Variants in ENOX1 observed in about 807,000 individuals in gnomAD.
ENOX1 encodes ecto-NOX disulfide-thiol exchanger 1, also known as candidate growth-related and time keeping constitutive hydroquinone (NADH) oxidase.
In ENOX1, 42 loss-of-function variants were observed where a neutral mutation model predicts 82.5. The observed-to-expected ratio is 0.51, with a 90% CI of 0.40 to 0.66. The LOEUF is 0.66. ENOX1 is among the 30% of genes least tolerant of loss of function. The probability of loss-of-function intolerance (pLI) is 0.00; values close to 1 mark genes in which losing one functional copy is unlikely to be tolerated. For missense variants in ENOX1, 608 were observed against 811.6 expected (o/e 0.75, Z 3.05); for synonymous variants, 271 against 282.2 (o/e 0.96, Z 0.40).
rs142125038 is a variant in ENOX1 at position 43,462,578 on chromosome 13, C to G, written c.-75+21431G>C. On this transcript the variant is annotated intron_variant, in intron 3 of 16. Coordinates refer to ENST00000690772, the MANE Select transcript of ENOX1 (RefSeq NM_001347969.2). ...TTAAATTAGGCAGCCATGCATACTA[C>G]AGCATATTAATTCTGAGTAGTTATT... Among the ~76,000 whole-genome samples the G allele has an allele frequency of 2.9e-4, 44 of 152,270 alleles. No homozygotes were observed. The East Asian group carries it at 8.5e-3, about 29-fold the overall frequency.
chr13:43,565,589 C>T (rs370792659), intron 2 of ENOX1, among the ~76,000 whole-genome samples: 3 of 152,112 alleles, frequency 2.0e-5, no homozygotes, highest in Non-Finnish European at 4.4e-5. Context: ...CCCACAAAGA[C>T]GCTCTTTAGA....
At chr13:43,676,604 C>A (rs777410699) in intron 1 of ENOX1, among the ~76,000 whole-genome samples, 49 of 150,712 alleles carry the variant, frequency 3.3e-4, no homozygotes, top group Middle Eastern at 7.0e-3. Context: ...TTCCTCTCTG[C>A]TGCTTTTCTC....
intron 8 of ENOX1, among the ~76,000 whole-genome samples, chr13:43,352,344 G>A (rs778268063): frequency 5.9e-5 from 9 of 152,318 alleles, no homozygotes; most frequent in Non-Finnish European, 7.4e-5. Flanking sequence ...TACAAAGTAC[G>A]TAAAAACTTT....
At chr13:43,248,079 G>T (rs1040675079) in intron 14 of ENOX1, among the ~76,000 whole-genome samples, 2 of 149,740 alleles carry the variant, frequency 1.3e-5, no homozygotes, top group Non-Finnish European at 3.0e-5. Context: ...TAGAGACGGG[G>T]TTTCACCGTG....
rs1301223709 is a variant in ENOX1, at chr13:43,667,468, C to T, written c.-219+11G>A. On this transcript the variant is annotated intron_variant, in intron 2 of 16. Coordinates refer to ENST00000690772, the MANE Select transcript of ENOX1 (RefSeq NM_001347969.2). ...TGCTTGTTATTTGTGGTGCACATAC[C>T]ATCCCTTTACCTGAGCATGGTGAGC... is the stretch of plus-strand genomic sequence containing the variant. The T allele has an allele frequency of 3.0e-6, 3 of 985,364 alleles. No individual in the cohort carries two copies. The highest frequency in any genetic ancestry group is 3.6e-6 in the Non-Finnish European group (3 of 829,920). The allele number at this position is 985,364 out of a possible 1,614,324, so 61.0% of individuals were successfully genotyped here.
chr13:43,331,538 T>C (rs2048408581), intron 9 of ENOX1, among the ~76,000 whole-genome samples: 1 of 152,164 alleles, frequency 6.6e-6, no homozygotes. Flanking sequence ...AAATCCTCTA[T>C]GAATAGCCCA....
chr13:43,746,468 C>T (rs149194558), intron 1 of ENOX1, among the ~76,000 whole-genome samples: 9 of 152,038 alleles, frequency 5.9e-5, no homozygotes, highest in Non-Finnish European at 1.3e-4. Flanking sequence ...AGGAGACAGG[C>T]AGTGTAATTA....
chr13:43,754,129 T>C (rs1950498624), intron 1 of ENOX1, among the ~76,000 whole-genome samples: 2 of 147,438 alleles, frequency 1.4e-5, no homozygotes, highest in Non-Finnish European at 3.0e-5. Context: ...AGTATACGTA[T>C]ATACGTATAT....
intron 3 of ENOX1, among the ~76,000 whole-genome samples, chr13:43,445,244 C>A (rs950129484): frequency 6.6e-6 from 1 of 151,864 alleles, no homozygotes; most frequent in African/African-American, 2.4e-5. Flanking sequence ...CTGCCTCAGC[C>A]TCCCAAGTAG....
chr13:43,468,441 A>C (rs1254907468), intron 3 of ENOX1, among the ~76,000 whole-genome samples: 1 of 151,918 alleles, frequency 6.6e-6, no homozygotes. Context: ...TCGGCCTCCC[A>C]AAGTGCTGGG....
chr13:43,645,302 C>A (rs1413991574), intron 2 of ENOX1, among the ~76,000 whole-genome samples: 1 of 152,100 alleles, frequency 6.6e-6, no homozygotes, highest in South Asian at 2.1e-4. Flanking sequence ...GCTAGAACTA[C>A]AGGTGCATGC....
chr13:43,247,866 TATATATATATATA>T (rs1566329717), intron 14 of ENOX1, among the ~76,000 whole-genome samples: 21 of 2,336 alleles, frequency 9.0e-3, no homozygotes, highest in Non-Finnish European at 0.017. Context: ...TATATATATA[TATATATATATATA>T]TATATTTTTT....
intron 3 of ENOX1, among the ~76,000 whole-genome samples, chr13:43,470,322 A>ACGTATATATGTATATACG (rs2057968739): frequency 2.8e-5 from 1 of 35,710 alleles, no homozygotes; most frequent in African/African-American, 8.2e-5. Flanking sequence ...ATATACACAT[A>ACGTATATATGTATATACG]TATATATGTA....
At chr13:43,316,664 T>C (rs1261858967) in intron 11 of ENOX1, among the ~76,000 whole-genome samples, 4 of 151,570 alleles carry the variant, frequency 2.6e-5, no homozygotes, top group Non-Finnish European at 5.9e-5. Context: ...TTCAGAAGCA[T>C]ATCCATTACG....
At position 43,484,148 on chromosome 13, in the gene ENOX1, G is replaced by A; in HGVS notation, c.-214C>T. The A allele has an allele frequency of 1.0e-6, 1 of 985,412 alleles. No individual in the cohort carries two copies. The highest frequency in any genetic ancestry group is 1.2e-6 in the Non-Finnish European group (1 of 829,882). The allele number at this position is 985,412 out of a possible 1,614,324, so 61.0% of individuals were successfully genotyped here. On this transcript the variant is annotated 5_prime_UTR_variant, in exon 3 of 17. Coordinates refer to ENST00000690772, the MANE Select transcript of ENOX1 (RefSeq NM_001347969.2). The stretch of plus-strand genomic sequence containing the variant: ...GACAGCATGGTTCTGACATATCAGA[G>A]GCTTCTGGAAGCAAAGAAAAGCACA...
chr13:43,218,716 G>A (rs1172724202), intron 16 of ENOX1, among the ~76,000 whole-genome samples: 1 of 152,174 alleles, frequency 6.6e-6, no homozygotes, highest in Non-Finnish European at 1.5e-5. Context: ...AGATCAGGGA[G>A]AAAGCTGTAT....
At chr13:43,543,405 T>G (rs1412010886) in intron 2 of ENOX1, among the ~76,000 whole-genome samples, 2 of 152,146 alleles carry the variant, frequency 1.3e-5, no homozygotes, top group African/African-American at 4.8e-5. Flanking sequence ...CATGAAATAT[T>G]TTGTTTCACA....
chr13:43,258,202 G>A (rs2043858281), intron 14 of ENOX1, among the ~76,000 whole-genome samples: 2 of 152,202 alleles, frequency 1.3e-5, no homozygotes, highest in Admixed American at 6.5e-5. Context: ...GTTTTTGACA[G>A]CAGTTCCCTC....
At chr13:43,282,519 C>A (rs938396329) in intron 12 of ENOX1, among the ~76,000 whole-genome samples, 5 of 151,192 alleles carry the variant, frequency 3.3e-5, no homozygotes, top group African/African-American at 1.2e-4. Context: ...TCGACTGCAG[C>A]CTCGACCTCC....
Sources: gnomAD v4.1 joint callset for allele counts (sites outside exome capture counted in the v4.1 genomes callset) on GRCh38, gnomAD v4.1.1 for gene constraint, MANE v1.5 for transcripts, NCBI Gene and HGNC (gene_info 2026-07-23, HGNC 2026-07-21) for gene names.